The following PTPRD variants were observed in gnomAD, a reference collection of about 807,000 sequenced individuals.
The protein encoded by PTPRD is protein tyrosine phosphatase receptor type D, also known as receptor-type tyrosine-protein phosphatase delta.
A neutral mutation model predicts 214.5 loss-of-function variants in PTPRD; 34 were observed. That is an observed-to-expected ratio of 0.16 (90% CI 0.12 to 0.21). PTPRD has a LOEUF of 0.21. Among genes scored for constraint, PTPRD ranks in the 10% least tolerant of loss-of-function variants. The pLI is 1.00. For missense variants in PTPRD, 2,545 were observed against 2,398.7 expected, an observed-to-expected ratio of 1.06 and a Z score of -1.27; for synonymous variants, 1,128 against 845.7, an observed-to-expected ratio of 1.33 and a Z score of -5.79.
chr9:10,358,338 G>T (rs1353394364), intron 2 of PTPRD, among the ~76,000 whole-genome samples: 1 of 151,772 alleles, frequency 6.6e-6, no homozygotes, highest in Non-Finnish European at 1.5e-5. Context: ...GAACCTATTT[G>T]GGAATAAAGA....
At position 9,870,935 on chromosome 9, in the gene PTPRD, A is replaced by G. The variant is rs139858817; in HGVS notation, c.-368+67572T>C. ...TCTGTACATGTGAAGTTTGTGTGGC[A>G]AAGAGTTGGAGAGAGAAATAAAATT... On this transcript the variant is annotated intron_variant, in intron 5 of 45. Transcript: ENST00000381196. Among the ~76,000 whole-genome samples the G allele has an allele frequency of 6.9e-3, 1,044 of 152,254 alleles. 4 individuals carry two copies. The highest frequency in any genetic ancestry group is 0.037 in the Middle Eastern group (11 of 294).
intron 7 of PTPRD, among the ~76,000 whole-genome samples, chr9:9,656,962 A>G (rs2096530532): frequency 6.6e-6 from 1 of 152,142 alleles, no homozygotes; most frequent in Non-Finnish European, 1.5e-5. Context: ...CTACATATTT[A>G]CAAAAAAACT....
chr9:9,593,927 A>G (rs994646326), intron 7 of PTPRD, among the ~76,000 whole-genome samples: 2 of 152,070 alleles, frequency 1.3e-5, no homozygotes, highest in Non-Finnish European at 2.9e-5. Context: ...TAATTTCAGA[A>G]GATCTCAGAT....
chr9:10,320,624 A>T (rs948681609), intron 3 of PTPRD, among the ~76,000 whole-genome samples: 2 of 152,078 alleles, frequency 1.3e-5, no homozygotes, highest in Non-Finnish European at 2.9e-5. Flanking sequence ...TATTTTAATG[A>T]CATCATTAAA....
chr9:9,220,453 T>G (rs1337683745), intron 9 of PTPRD, among the ~76,000 whole-genome samples: 1 of 152,072 alleles, frequency 6.6e-6, no homozygotes, highest in Non-Finnish European at 1.5e-5. Flanking sequence ...ATATTTGGTC[T>G]TGATAACCTT....
chr9:9,926,891 T>C (rs887460776), intron 5 of PTPRD, among the ~76,000 whole-genome samples: 1 of 152,146 alleles, frequency 6.6e-6, no homozygotes, highest in Non-Finnish European at 1.5e-5. Context: ...TTATTACAAA[T>C]GGAAAAAGCT....
At chr9:9,020,954 GT>G (rs773422566) in intron 10 of PTPRD, among the ~76,000 whole-genome samples, 2 of 152,084 alleles carry the variant, frequency 1.3e-5, no homozygotes, top group Non-Finnish European at 2.9e-5. Context: ...TATTTCTTAT[GT>G]TTTTTTAGAG....
intron 11 of PTPRD, among the ~76,000 whole-genome samples, chr9:8,965,143 C>T (rs1001487448): frequency 1.3e-5 from 2 of 151,920 alleles, no homozygotes; most frequent in Non-Finnish European, 2.9e-5. Flanking sequence ...TTTGGGAGGC[C>T]GAGGCAGGCA....
At chr9:10,085,248 C>T (rs940299397) in intron 3 of PTPRD, among the ~76,000 whole-genome samples, 3 of 151,802 alleles carry the variant, frequency 2.0e-5, no homozygotes, top group African/African-American at 4.8e-5. Context: ...TCTCAACTGA[C>T]GTGGCGAGAA....
intron 11 of PTPRD, among the ~76,000 whole-genome samples, chr9:8,786,586 T>A (rs2154500273): frequency 6.6e-6 from 1 of 151,728 alleles, no homozygotes; most frequent in African/African-American, 2.4e-5. Context: ...GGCTAATTTT[T>A]GTATTTTTAG....
intron 7 of PTPRD, among the ~76,000 whole-genome samples, chr9:9,607,954 T>C (rs536650816): frequency 6.6e-6 from 1 of 152,228 alleles, no homozygotes; most frequent in South Asian, 2.1e-4. Flanking sequence ...AAAGGGCAGC[T>C]TGGCAGTGAG....
At chr9:8,376,387 T>C (rs575987028) in intron 38 of PTPRD, among the ~76,000 whole-genome samples, 1 of 152,210 alleles carries the variant, frequency 6.6e-6, no homozygotes, top group African/African-American at 2.4e-5. Context: ...CTACTCTTCA[T>C]TGGCTGAAAC....
intron 4 of PTPRD, among the ~76,000 whole-genome samples, chr9:10,023,074 C>T (rs1336314765): frequency 1.3e-5 from 2 of 152,062 alleles, no homozygotes; most frequent in Non-Finnish European, 2.9e-5. Flanking sequence ...TATATGTATA[C>T]TACAAATTCT....
At chr9:8,687,042 T>C (rs2097694829) in intron 12 of PTPRD, among the ~76,000 whole-genome samples, 1 of 152,174 alleles carries the variant, frequency 6.6e-6, no homozygotes, top group African/African-American at 2.4e-5. Context: ...TCAATTAAAA[T>C]TATCCTGGGA....
chr9:10,115,598 T>C (rs10511533), intron 3 of PTPRD, among the ~76,000 whole-genome samples: 8,784 of 152,100 alleles, frequency 0.058, 325 homozygotes, highest in Admixed American at 0.1. Flanking sequence ...ACTTACATGA[T>C]GGTATGGCAC....
intron 7 of PTPRD, among the ~76,000 whole-genome samples, chr9:9,612,529 GT>G (rs1321386836): frequency 6.6e-6 from 1 of 152,134 alleles, no homozygotes; most frequent in Non-Finnish European, 1.5e-5. Flanking sequence ...AATTAAGGAA[GT>G]GGTTTTTCCT....
rs1036473887 is a variant in PTPRD, at chr9:8,563,436, CTTTT to C, written c.353-34661_353-34658del. ...CCTACTTACAAAGTTTTGATGTAGA[CTTTT>C]TTTTTTTTTTTTTTTGAGACAGAGT... On this transcript the variant is annotated intron_variant, in intron 14 of 45. Coordinates refer to ENST00000381196, the MANE Select transcript of PTPRD (RefSeq NM_002839.4). Among the ~76,000 whole-genome samples the C allele has an allele frequency of 6.7e-3, 869 of 130,582 alleles. 6 individuals carry two copies. The highest frequency in any genetic ancestry group is 0.024 in the African/African-American group (829 of 34,752). 85.7% of individuals were successfully genotyped at this position (130,582 alleles called of 152,430 possible).
At chr9:8,477,810 A>G (rs762578098) in intron 30 of PTPRD, among the ~76,000 whole-genome samples, 60 of 144,310 alleles carry the variant, frequency 4.2e-4, no homozygotes, top group Middle Eastern at 3.2e-3. Context: ...TTGACCTAGG[A>G]AAAAAAAAAA....
At chr9:9,810,068 C>A (rs2046652028) in intron 5 of PTPRD, among the ~76,000 whole-genome samples, 1 of 146,856 alleles carries the variant, frequency 6.8e-6, no homozygotes, top group Non-Finnish European at 1.5e-5. Flanking sequence ...CCTCCTGCAC[C>A]TCCTCTTCAG....
Sources: gnomAD v4.1 joint callset for allele counts (sites outside exome capture counted in the v4.1 genomes callset) on GRCh38, gnomAD v4.1.1 for gene constraint, MANE v1.5 for transcripts, NCBI Gene and HGNC (gene_info 2026-07-23, HGNC 2026-07-21) for gene names.